The following SLC8A1 variants were observed in gnomAD, a reference collection of about 807,000 sequenced individuals.
SLC8A1 encodes the protein solute carrier family 8 member A1, also known as sodium/calcium exchanger 1.
In SLC8A1, 18 loss-of-function variants were observed where a neutral mutation model predicts 68.3. The ratio of observed to expected loss-of-function variants is 0.26; its 90% confidence interval spans 0.18 to 0.39. The LOEUF is 0.39. Ranked by LOEUF, SLC8A1 falls within the 10% of genes least tolerant of loss-of-function variation. The pLI, the probability that SLC8A1 is intolerant of heterozygous loss-of-function variation, is 1.00. For synonymous variants in SLC8A1, 475 were observed against 415.5 expected, an observed-to-expected ratio of 1.14 and a Z score of -1.74; for missense variants, 985 against 1,156.7, an observed-to-expected ratio of 0.85 and a Z score of 2.15.
intron 2 of SLC8A1, among the ~76,000 whole-genome samples, chr2:40,300,258 T>C (rs1052624893): frequency 6.6e-6 from 1 of 152,196 alleles, no homozygotes; most frequent in Non-Finnish European, 1.5e-5. Flanking sequence ...CTAAGTATTA[T>C]CTTGTTCCAT....
chr2:40,305,753 G>C (rs543321565), intron 2 of SLC8A1, among the ~76,000 whole-genome samples: 1 of 152,280 alleles, frequency 6.6e-6, no homozygotes, highest in Non-Finnish European at 1.5e-5. Flanking sequence ...TGTTTGCCAA[G>C]TGTATTACAA....
intron 3 of SLC8A1, among the ~76,000 whole-genome samples, chr2:40,176,224 TA>T (rs569500217): frequency 1.3e-5 from 2 of 152,242 alleles, no homozygotes; most frequent in South Asian, 2.1e-4. Context: ...GGATACTTTC[TA>T]AAAAAAGTCA....
intron 2 of SLC8A1, among the ~76,000 whole-genome samples, chr2:40,420,508 T>A (rs1406075709): frequency 6.6e-6 from 1 of 152,078 alleles, no homozygotes; most frequent in Non-Finnish European, 1.5e-5. Flanking sequence ...TTTTAAAAAC[T>A]AGGAACATAG....
chr2:40,244,311 C>A (rs757944957), intron 2 of SLC8A1, among the ~76,000 whole-genome samples: 45 of 152,260 alleles, frequency 3.0e-4, no homozygotes, highest in Middle Eastern at 3.4e-3. Flanking sequence ...GCATCTACTA[C>A]GTGAGTCTCC....
At chr2:40,322,400 G>C (rs920079437) in intron 2 of SLC8A1, among the ~76,000 whole-genome samples, 3 of 150,532 alleles carry the variant, frequency 2.0e-5, no homozygotes. Context: ...GTTCACACCT[G>C]TAATCCCAGT....
intron 1 of SLC8A1, among the ~76,000 whole-genome samples, chr2:40,495,104 A>G (rs1233158051): frequency 2.0e-5 from 3 of 152,066 alleles, no homozygotes; most frequent in Non-Finnish European, 4.4e-5. Context: ...TACTTTTAAC[A>G]TAAGCCCTAC....
chr2:40,483,386 G>T (rs1704764807), intron 1 of SLC8A1, among the ~76,000 whole-genome samples: 1 of 152,096 alleles, frequency 6.6e-6, no homozygotes, highest in Admixed American at 6.6e-5. Context: ...CCAAGGGTGT[G>T]AGTAGAGGGA....
chr2:40,244,847 G>T (rs1449177452), intron 2 of SLC8A1, among the ~76,000 whole-genome samples: 1 of 152,164 alleles, frequency 6.6e-6, no homozygotes, highest in East Asian at 1.9e-4. Context: ...AGGGTTGCTG[G>T]AGTCCCTGCC....
intron 2 of SLC8A1, among the ~76,000 whole-genome samples, chr2:40,307,877 T>A (rs935403847): frequency 6.6e-6 from 1 of 152,192 alleles, no homozygotes; most frequent in African/African-American, 2.4e-5. Context: ...CAGGAAGCAC[T>A]GATTTTTGAT....
chr2:40,398,041 G>T (rs1687539809), intron 2 of SLC8A1, among the ~76,000 whole-genome samples: 1 of 152,214 alleles, frequency 6.6e-6, no homozygotes, highest in Non-Finnish European at 1.5e-5. Flanking sequence ...TTTGACACCA[G>T]TGCCAGCTTG....
intron 1 of SLC8A1, among the ~76,000 whole-genome samples, chr2:40,512,100 G>C (rs190667854): frequency 6.6e-6 from 1 of 152,272 alleles, no homozygotes; most frequent in East Asian, 1.9e-4. Flanking sequence ...AAGTGACCCA[G>C]GACAGAGGGA....
intron 1 of SLC8A1, among the ~76,000 whole-genome samples, chr2:40,500,536 C>A: frequency 6.6e-6 from 1 of 151,956 alleles, no homozygotes; most frequent in Admixed American, 6.6e-5. Flanking sequence ...CCATCAATAT[C>A]TTATAAATCT....
chr2:40,340,317 T>C (rs1228271768), intron 2 of SLC8A1, among the ~76,000 whole-genome samples: 1 of 152,124 alleles, frequency 6.6e-6, no homozygotes, highest in African/African-American at 2.4e-5. Flanking sequence ...TTCCAGCACT[T>C]TGGGAGGCCG....
chr2:40,311,095 A>AT (rs1204603606), intron 2 of SLC8A1, among the ~76,000 whole-genome samples: 1 of 152,160 alleles, frequency 6.6e-6, no homozygotes, highest in Non-Finnish European at 1.5e-5. Flanking sequence ...TTTTAAGTAC[A>AT]TTAATAGATT....
chr2:40,252,824 G>GGCTCAAAT (rs1558963540), intron 2 of SLC8A1, among the ~76,000 whole-genome samples: 12,172 of 135,568 alleles, frequency 0.09, 564 homozygotes, highest in Admixed American at 0.14. Flanking sequence ...ACATATATAT[G>GGCTCAAAT]TATATACATG....
chr2:40,142,099 T>C (rs1207463791), intron 6 of SLC8A1, among the ~76,000 whole-genome samples: 1 of 152,226 alleles, frequency 6.6e-6, no homozygotes, highest in Non-Finnish European at 1.5e-5. Context: ...CTCTATATCA[T>C]GACGTGGAAA....
exon 8 of SLC8A1, chr2:40,113,879 T>G (rs907049351): frequency 4.6e-5 from 7 of 152,758 alleles, no homozygotes; most frequent in African/African-American, 1.4e-4. Context: ...TCCATGAAGA[T>G]CTTTGTAGTT....
intron 6 of SLC8A1, among the ~76,000 whole-genome samples, chr2:40,143,935 G>A (rs980634049): frequency 1.3e-5 from 2 of 152,100 alleles, no homozygotes; most frequent in African/African-American, 4.8e-5. Context: ...TTGTTTTGGG[G>A]CAAGACACTT....
At chr2:40,359,942 A>C (rs907476427) in intron 2 of SLC8A1, among the ~76,000 whole-genome samples, 2 of 152,098 alleles carry the variant, frequency 1.3e-5, no homozygotes, top group South Asian at 2.1e-4. Context: ...AAAAAAAAAA[A>C]AAAAACAGAT....
Sources: gnomAD v4.1 joint callset for allele counts (sites outside exome capture counted in the v4.1 genomes callset) on GRCh38, gnomAD v4.1.1 for gene constraint, MANE v1.5 for transcripts, NCBI Gene and HGNC (gene_info 2026-07-23, HGNC 2026-07-21) for gene names.